Variants in CAPN1 observed in about 807,000 individuals in gnomAD.
CAPN1 encodes the protein calpain-1 catalytic subunit.
A neutral mutation model predicts 105.2 loss-of-function variants in CAPN1; 77 were observed. That is an observed-to-expected ratio of 0.73 (90% CI 0.61 to 0.88). The LOEUF is 0.88. CAPN1 is among the 40% of genes least tolerant of loss of function. CAPN1 has a pLI of 0.00. For missense variants in CAPN1, 833 were observed against 976.6 expected (o/e 0.85, Z 1.96); for synonymous variants, 355 against 388.8 (o/e 0.91, Z 1.02).
intron 10 of CAPN1, among the ~76,000 whole-genome samples, chr11:65,193,713 T>C (rs1287734574): frequency 6.6e-6 from 1 of 151,520 alleles, no homozygotes; most frequent in Non-Finnish European, 1.5e-5. Flanking sequence ...TTTTCTTTTA[T>C]TATTTTTACT....
Position 65,209,359 on chromosome 11 carries a change from C to G in CAPN1, c.1766C>G (p.Ser589Trp). ...DLRTKGFSLE[S>W]CRSMVNLMDR... is the part of the protein sequence containing the mutation. The stretch of plus-strand genomic sequence containing the variant: ...CGGACCAAGGGCTTCAGCCTAGAGT[C>G]GTGCCGCAGCATGGTGAACCTCATG... Residue 589 changes from serine (S) to tryptophan (W), a missense_variant, in exon 17 of 22, where the codon TCG becomes TGG. Ser to Trp is a radical substitution (Grantham distance 177). Coordinates refer to ENST00000279247, the MANE Select transcript of CAPN1 (RefSeq NM_005186.4). The surrounding 1 kb of genome is among the most constrained non-coding windows in gnomAD (Gnocchi z 4.1). The G allele has an allele frequency of 6.2e-7, 1 of 1,613,732 alleles. No individual in the cohort carries two copies. The highest frequency in any genetic ancestry group is 1.1e-5 in the South Asian group (1 of 91,044).
chr11:65,195,607 T>C (rs1948783517), intron 10 of CAPN1, among the ~76,000 whole-genome samples: 1 of 152,228 alleles, frequency 6.6e-6, no homozygotes, highest in African/African-American at 2.4e-5. Context: ...TGTATATTCC[T>C]TTTAATATGC....
Position 65,209,023 on chromosome 11 carries a change from C to G in CAPN1, c.1730-300C>G, listed in dbSNP as rs1785473180. On this transcript the variant is annotated intron_variant, in intron 16 of 21. Transcript: ENST00000279247. This position sits in a 1 kb window ranked among gnomAD's most constrained non-coding sequence, Gnocchi z 4.1. ...CTGCTAGTGAAGCACTGCTTACCCTCCTAGCCTACAGCAAGCCCTGCCCTG... is the reference window on the plus strand; with the variant it reads ...CTGCTAGTGAAGCACTGCTTACCCTGCTAGCCTACAGCAAGCCCTGCCCTG... 1 of 472,508 alleles carries G rather than the reference C, an allele frequency of 2.1e-6. No individual in the cohort carries two copies. The highest frequency in any genetic ancestry group is 3.9e-6 in the Non-Finnish European group (1 of 256,502). The allele number at this position is 472,508 out of a possible 1,614,324, so 29.3% of individuals were successfully genotyped here. A position where few individuals can be genotyped will look rare whatever the true frequency, so the allele number is the denominator to read the frequency against.
intron 10 of CAPN1, among the ~76,000 whole-genome samples, chr11:65,189,285 T>G (rs975260944): frequency 1.3e-5 from 2 of 152,238 alleles, no homozygotes; most frequent in African/African-American, 4.8e-5. Context: ...CCTCCCAAAG[T>G]GCTGGGATTA....
intron 10 of CAPN1, among the ~76,000 whole-genome samples, chr11:65,189,363 C>G (rs1948687982): frequency 6.6e-6 from 1 of 152,156 alleles, no homozygotes; most frequent in African/African-American, 2.4e-5. Context: ...GCTTCTAGAT[C>G]CATGTGGCTG....
In CAPN1 at chr11:65,185,931, G is replaced by A. The variant is rs750664284; in HGVS notation, c.471G>A (p.Gly157=). 23 of 1,585,046 alleles carry A rather than the reference G, an allele frequency of 1.5e-5. No individual in the cohort carries two copies. Among genetic ancestry groups the A allele is most frequent in the Non-Finnish European group, 2.0e-5 (23 of 1,165,636 alleles). The change falls in exon 5 of 22, where the codon GGG becomes GGA. Residue 157 remains glycine, a synonymous_variant. Coordinates refer to ENST00000279247, the MANE Select transcript of CAPN1 (RefSeq NM_005186.4). The part of the protein sequence containing the change: ...GIFHFQLWQF[G]EWVDVVVDDL... ...CTCCCCCACAGCTGTGGCAATTTGG[G>A]GAGTGGGTGGACGTGGTCGTGGATG...
chr11:65,186,291 A>G lies in CAPN1; in HGVS notation c.712A>G (p.Ile238Val), dbSNP rs773722405. ...RKAPSDLYQIILKALERGSLL... is the reference protein window; with the variant it reads ...RKAPSDLYQIVLKALERGSLL... ...GGCTCCCAGTGACCTCTACCAGATC[A>G]TCCTCAAGGCGCTGGAGCGGGGCTC... is the stretch of plus-strand genomic sequence containing the variant. The change falls in exon 6 of 22, where the codon ATC becomes GTC. Residue 238 changes from isoleucine to valine, a missense_variant. Coordinates refer to ENST00000279247, the MANE Select transcript of CAPN1 (RefSeq NM_005186.4). 2 of 1,613,388 alleles carry G rather than the reference A, an allele frequency of 1.2e-6. No homozygotes were observed. The highest frequency in any genetic ancestry group is 2.2e-5 in the South Asian group (2 of 91,014).
At position 65,186,043 on chromosome 11, in the gene CAPN1, T is replaced by G. The variant is rs760925496; in HGVS notation, c.583T>G (p.Tyr195Asp). Residue 195 changes from tyrosine (Y) to aspartate (D), a missense_variant, in exon 5 of 22, where the codon TAT (tyrosine) becomes GAT (aspartate). Transcript: ENST00000279247. ...EFWSALLEKAYAKVNGSYEAL... is the reference protein window; with the variant it reads ...EFWSALLEKADAKVNGSYEAL... ...CTGGAGCGCCCTGCTTGAGAAGGCC[T>G]ATGCCAAGTGAGTAGCGGCTGAGGG... is the stretch of plus-strand genomic sequence containing the variant. The G allele has an allele frequency of 2.5e-6, 4 of 1,611,720 alleles. No individual in the cohort carries two copies. The South Asian group carries it at 4.4e-5, about 18-fold the overall frequency.
intron 10 of CAPN1, among the ~76,000 whole-genome samples, chr11:65,189,633 A>T (rs981763476): frequency 6.6e-6 from 1 of 152,134 alleles, no homozygotes; most frequent in Non-Finnish European, 1.5e-5. Flanking sequence ...TAGAGCTATC[A>T]TTTTAATCTT....
In CAPN1 at chr11:65,211,598, TG is replaced by T; in HGVS notation, c.*313del. On this transcript the variant is annotated 3_prime_UTR_variant, in exon 22 of 22. Coordinates refer to ENST00000279247, the MANE Select transcript of CAPN1 (RefSeq NM_005186.4). ...CCCGGGTTTCCCCAGCATCCTGATG[TG>T]TCCCCTCTCCCCACTTCAGAGGCCA... is the stretch of plus-strand genomic sequence containing the variant. 1.9e-6 allele frequency: 1 copy of T among 517,982 alleles called. No individual in the cohort carries two copies. Among genetic ancestry groups the T allele is most frequent in the Non-Finnish European group, 3.5e-6 (1 of 284,592 alleles). 32.1% of individuals were successfully genotyped at this position (517,982 alleles called of 1,614,324 possible).
chr11:65,206,170 A>C, intron 12 of CAPN1: 2 of 558,598 alleles, frequency 3.6e-6, no homozygotes, highest in East Asian at 3.0e-5. Context: ...GCAGTACCTG[A>C]CCTGGGGAAA....
At chr11:65,205,810 G>A in intron 12 of CAPN1, 89 bp downstream of exon 12, 1 of 1,238,056 alleles carries the variant, frequency 8.1e-7, no homozygotes, top group Non-Finnish European at 1.2e-6. Context: ...CCCTGGCCTG[G>A]AGAGCTAAGA....
chr11:65,205,045 G>GC (rs1347834389), intron 11 of CAPN1, among the ~76,000 whole-genome samples, 187 bp downstream of exon 11: 7 of 152,218 alleles, frequency 4.6e-5, no homozygotes, highest in Non-Finnish European at 7.3e-5. Flanking sequence ...ACCTGCTGAG[G>GC]CCCTCTGGCC....
Position 65,208,231 on chromosome 11 carries a change from G to A in CAPN1, c.1698G>A (p.Leu566=), listed in dbSNP as rs1429588591. The change falls in exon 16 of 22, where the codon TTG becomes TTA. Residue 566 remains leucine, a synonymous_variant. Transcript: ENST00000279247. The surrounding 1 kb of genome is among the most constrained non-coding windows in gnomAD (Gnocchi z 4.1). ...ACATGGAGATCAGCGTGAAGGAGTT[G>A]CGGACAATCCTCAATAGGATCATCA... ...GEDMEISVKE[L]RTILNRIISK... The A allele has an allele frequency of 6.4e-7, 1 of 1,574,702 alleles. No individual in the cohort carries two copies. Among genetic ancestry groups the A allele is most frequent in the South Asian group, 1.2e-5 (1 of 85,800 alleles).
intron 11 of CAPN1, 79 bp downstream of exon 11, chr11:65,204,937 T>C: frequency 7.9e-7 from 1 of 1,265,162 alleles, no homozygotes; most frequent in Non-Finnish European, 1.1e-6. Flanking sequence ...GCAGGCGGGC[T>C]TCCACCAGGG....
intron 10 of CAPN1, among the ~76,000 whole-genome samples, chr11:65,198,925 C>G (rs1029665293): frequency 2.6e-5 from 4 of 152,208 alleles, no homozygotes; most frequent in African/African-American, 9.6e-5. Context: ...ACCTCTGCCT[C>G]CCAAGTTCAA....
intron 6 of CAPN1, among the ~76,000 whole-genome samples, chr11:65,186,617 C>T (rs1299965881): frequency 1.3e-5 from 2 of 152,090 alleles, no homozygotes; most frequent in African/African-American, 4.8e-5. Context: ...CCTGTCATCT[C>T]AATCCATGCC....
At position 65,205,717 on chromosome 11, in the gene CAPN1, C is replaced by CCT; in HGVS notation, c.1349_1350insCT (p.Glu451TrpfsTer11). 6.2e-7 allele frequency: 1 copy of CCT among 1,613,544 alleles called. No individual in the cohort carries two copies. The highest frequency in any genetic ancestry group is 8.5e-7 in the Non-Finnish European group (1 of 1,179,666). On this transcript the variant is annotated frameshift_variant, in exon 12 of 22. Transcript: ENST00000279247. LOFTEE classifies it high-confidence loss of function. ...CCTGTCTCTCTATTGCAGGTCCCTC[C>CCT]GGAGGTAGGTGTGGCACCATGACCC...
At chr11:65,201,743 C>T (rs1315218659) in intron 10 of CAPN1, among the ~76,000 whole-genome samples, 1 of 152,004 alleles carries the variant, frequency 6.6e-6, no homozygotes, top group East Asian at 1.9e-4. Context: ...TGGTCTCGAT[C>T]TCCTGACCTC....
Sources: gnomAD v4.1 joint callset for allele counts (sites outside exome capture counted in the v4.1 genomes callset) on GRCh38, gnomAD v4.1.1 for gene constraint, Gnocchi (gnomAD v3.1) non-coding constraint, MANE v1.5 for transcripts, NCBI Gene and HGNC (gene_info 2026-07-23, HGNC 2026-07-21) for gene names.